ELAVL4: variants seen among roughly 807,000 people sequenced by gnomAD.
ELAVL4 encodes the protein ELAV like RNA binding protein 4, also known as ELAV-like protein 4.
A neutral mutation model predicts 35.6 loss-of-function variants in ELAVL4; 1 was observed. The observed-to-expected ratio is 0.03, with a 90% CI of 0.01 to 0.13. The LOEUF (loss-of-function observed/expected upper bound fraction) is 0.13. Among genes scored for constraint, ELAVL4 ranks in the 10% least tolerant of loss-of-function variants. The pLI is 1.00. For missense variants in ELAVL4, 267 were observed against 464.9 expected (o/e 0.57, Z 3.91); for synonymous variants, 156 against 171.0 (o/e 0.91, Z 0.69).
chr1:50,079,235 T>G (rs1369406641), intron 1 of ELAVL4, among the ~76,000 whole-genome samples: 1 of 152,120 alleles, frequency 6.6e-6, no homozygotes, highest in East Asian at 1.9e-4. Context: ...CTCTCCATCT[T>G]TAAAACTGGG....
At position 50,200,847 on chromosome 1, in the gene ELAVL4, C is replaced by G; in HGVS notation, c.774-4C>G. ...CCAGTCCCCCCTTCTGCTTGTCCCC[C>G]CAGGTTCTCCCCAATTACCATTGAT... On this transcript the variant is annotated splice_polypyrimidine_tract_variant and splice_region_variant and intron_variant, in intron 6 of 6. Coordinates refer to ENST00000371824, the MANE Select transcript of ELAVL4 (RefSeq NM_001144774.3). 1 of 1,612,772 alleles carries G rather than the reference C, an allele frequency of 6.2e-7. No homozygotes were observed. The highest frequency in any genetic ancestry group is 1.3e-5 in the African/African-American group (1 of 74,954).
intron 1 of ELAVL4, among the ~76,000 whole-genome samples, chr1:50,094,742 CAATAAATA>C (rs60522222): frequency 9.7e-4 from 132 of 135,588 alleles, no homozygotes; most frequent in Middle Eastern, 3.6e-3. Context: ...CCTGTCTCTA[CAATAAATA>C]AATAAATAAA....
chr1:50,054,890 G>A (rs535494369), intron 1 of ELAVL4, among the ~76,000 whole-genome samples: 12 of 152,312 alleles, frequency 7.9e-5, no homozygotes, highest in Non-Finnish European at 1.5e-4. Flanking sequence ...TCAGACAGAA[G>A]AAAAGTGAGT....
intron 1 of ELAVL4, among the ~76,000 whole-genome samples, chr1:50,095,877 G>T (rs1665697465): frequency 6.6e-6 from 1 of 152,208 alleles, no homozygotes; most frequent in African/African-American, 2.4e-5. Flanking sequence ...AAAGCTCATA[G>T]CATGAGCTCA....
Position 50,145,017 on chromosome 1 carries a change from C to T in ELAVL4, c.70C>T (p.Pro24Ser). 6.2e-7 allele frequency: 1 copy of T among 1,613,904 alleles called. No homozygotes were observed. Among genetic ancestry groups the T allele is most frequent in the Non-Finnish European group, 8.5e-7 (1 of 1,179,946 alleles). ...TCCGACATCCAATACAAGCAATGGACCCTCCAGCAACAACAGAAACTGTCC... is the reference window on the plus strand; with the variant it reads ...TCCGACATCCAATACAAGCAATGGATCCTCCAGCAACAACAGAAACTGTCC... ...NGPTSNTSNG[P>S]SSNNRNCPSP... The change falls in exon 2 of 7, where the codon CCC becomes TCC. Residue 24 changes from proline (P) to serine (S), a missense_variant. By Grantham distance (74) the Pro-to-Ser change is moderately conservative (BLOSUM62 -1). This residue lies in a region of ELAVL4 where 51 missense variants were observed against 55.4 expected (regional missense o/e 0.92). Coordinates refer to ENST00000371824, the MANE Select transcript of ELAVL4 (RefSeq NM_001144774.3).
At chr1:50,057,438 A>G (rs1460125649) in intron 1 of ELAVL4, among the ~76,000 whole-genome samples, 2 of 152,226 alleles carry the variant, frequency 1.3e-5, no homozygotes, top group African/African-American at 4.8e-5. Context: ...AGTAGTGTAC[A>G]GTAATGTCCT....
At chr1:50,177,689 G>A (rs1419052518) in intron 3 of ELAVL4, among the ~76,000 whole-genome samples, 2 of 152,216 alleles carry the variant, frequency 1.3e-5, no homozygotes, top group African/African-American at 4.8e-5. Context: ...CCAGGCTGCA[G>A]CTTGGCTTTA....
chr1:50,145,954 A>G (rs1673631331), intron 2 of ELAVL4, among the ~76,000 whole-genome samples: 1 of 152,158 alleles, frequency 6.6e-6, no homozygotes, highest in Non-Finnish European at 1.5e-5. Context: ...TTTGGGGGAA[A>G]GTTTCCCTAT....
chr1:50,195,433 C>G, intron 4 of ELAVL4, 128 bp from the exon 5 acceptor site: 1 of 961,500 alleles, frequency 1.0e-6, no homozygotes, highest in Non-Finnish European at 1.6e-6. Flanking sequence ...GATCAGGGAG[C>G]TGGGCTCAGC....
rs551439368 is a variant in ELAVL4 at position 50,136,045 on chromosome 1, T to A, written c.10-8912T>A. Among the ~76,000 whole-genome samples, 40 of 152,258 alleles carry A rather than the reference T, an allele frequency of 2.6e-4. 1 individual carries two copies. The South Asian group carries it at 7.7e-3, about 29-fold the overall frequency. On this transcript the variant is annotated intron_variant, in intron 1 of 6. Transcript: ENST00000371824. Reference sequence around the variant, plus strand: ...AAGTGTTGCATTTCAAAAAAAAATATTAACCTGAAGGGACTTGAGCGAATT... The same window carrying A: ...AAGTGTTGCATTTCAAAAAAAAATAATAACCTGAAGGGACTTGAGCGAATT...
chr1:50,080,416 TCACACACACA>T (rs71751816), intron 1 of ELAVL4, among the ~76,000 whole-genome samples: 1 of 149,404 alleles, frequency 6.7e-6, no homozygotes, highest in African/African-American at 2.5e-5. Context: ...GTTGTTGATT[TCACACACACA>T]CACACACACA....
chr1:50,172,186 C>G (rs1009831335), intron 2 of ELAVL4, among the ~76,000 whole-genome samples: 1 of 152,188 alleles, frequency 6.6e-6, no homozygotes, highest in African/African-American at 2.4e-5. Flanking sequence ...ATAAGGATGT[C>G]AGGATCAGAA....
chr1:50,093,026 T>C (rs980227318), intron 1 of ELAVL4, among the ~76,000 whole-genome samples: 8 of 152,256 alleles, frequency 5.3e-5, no homozygotes, highest in Non-Finnish European at 1.0e-4. Flanking sequence ...TTGTTTACTG[T>C]TGAATCCCCA....
intron 3 of ELAVL4, among the ~76,000 whole-genome samples, chr1:50,181,676 TTTG>T (rs1681054838): frequency 2.3e-4 from 1 of 4,264 alleles, no homozygotes; most frequent in Non-Finnish European, 5.0e-3. Context: ...TATGTGTGTG[TTTG>T]TTTTGTTTTG....
At chr1:50,149,551 T>TC (rs1674378623) in intron 2 of ELAVL4, among the ~76,000 whole-genome samples, 1 of 148,122 alleles carries the variant, frequency 6.8e-6, no homozygotes, top group Admixed American at 6.7e-5. Flanking sequence ...CCTTTTTTTT[T>TC]TTTTTTTTTT....
At chr1:50,127,090 G>C (rs554464509) in intron 1 of ELAVL4, among the ~76,000 whole-genome samples, 2 of 152,026 alleles carry the variant, frequency 1.3e-5, no homozygotes, top group Non-Finnish European at 2.9e-5. Context: ...TTCCTCTTAC[G>C]ATTATCTCAG....
In ELAVL4 at chr1:50,200,919, C is replaced by G. The variant is rs368200868; in HGVS notation, c.842C>G (p.Thr281Ser). The part of the protein sequence containing the change: ...VGMNIPGHTG[T>S]GWCIFVYNLS... ...ATGAACATCCCTGGTCACACAGGAA[C>G]TGGGTGGTGCATCTTTGTCTACAAC... Residue 281 changes from threonine (T) to serine (S), a missense_variant, in exon 7 of 7, where the codon ACT (threonine) becomes AGT (serine). Around this residue, in one of 2 missense-constraint regions of ELAVL4, gnomAD observed 216 missense variants for 409.5 expected, o/e 0.53. Coordinates refer to ENST00000371824, the MANE Select transcript of ELAVL4 (RefSeq NM_001144774.3). 1.9e-6 allele frequency: 3 copies of G among 1,613,920 alleles called. No individual in the cohort carries two copies. The highest frequency in any genetic ancestry group is 2.5e-6 in the Non-Finnish European group (3 of 1,179,990).
At chr1:50,128,154 C>G (rs1394152077) in intron 1 of ELAVL4, among the ~76,000 whole-genome samples, 1 of 152,090 alleles carries the variant, frequency 6.6e-6, no homozygotes, top group Non-Finnish European at 1.5e-5. Context: ...CAGAGGAGAT[C>G]TAATTTCCTA....
At chr1:50,104,257 A>C (rs146871568), upstream of ELAVL4, among the ~76,000 whole-genome samples, 551 of 152,246 alleles carry the variant, frequency 3.6e-3, 6 homozygotes, top group African/African-American at 0.013. Context: ...TGAGATAAAC[A>C]CTCTTTAAAT....
Sources: allele counts gnomAD v4.1 joint callset (sites outside exome capture counted in the v4.1 genomes callset), GRCh38; gene constraint gnomAD v4.1.1; regional missense constraint gnomAD v4.1.1; transcripts MANE v1.5; gene names NCBI Gene and HGNC (gene_info 2026-07-23, HGNC 2026-07-21).